SCHIP1: variants seen among roughly 807,000 people sequenced by gnomAD.
SCHIP1 encodes the protein schwannomin interacting protein 1.
In SCHIP1, 8 loss-of-function variants were observed where a neutral mutation model predicts 29.7. That is an observed-to-expected ratio of 0.27 (90% confidence interval 0.16 to 0.49). SCHIP1 has a LOEUF of 0.49. Among genes scored for constraint, SCHIP1 ranks in the 20% least tolerant of loss-of-function variants. The pLI, the probability that SCHIP1 is intolerant of heterozygous loss-of-function variation, is 0.99. For synonymous variants in SCHIP1, 76 were observed against 94.9 expected (o/e 0.80, Z 1.16); for missense variants, 193 against 294.6 (o/e 0.66, Z 2.52).
At chr3:159,849,594 T>C (rs1374662379) in intron 1 of SCHIP1, among the ~76,000 whole-genome samples, 1 of 152,154 alleles carries the variant, frequency 6.6e-6, no homozygotes, top group East Asian at 1.9e-4. Flanking sequence ...GAGCCATTTG[T>C]ATGGTCTTTA....
intron 4 of SCHIP1, chr3:159,888,108 A>C (rs1014828243): frequency 1.4e-6 from 1 of 713,730 alleles, no homozygotes; most frequent in Non-Finnish European, 2.2e-6. Flanking sequence ...GATTTCACAA[A>C]AGTAAAGTTT....
chr3:159,811,528 T>G, the SCHIP1 span, among the ~76,000 whole-genome samples: 1 of 152,244 alleles, frequency 6.6e-6, no homozygotes, highest in African/African-American at 2.4e-5. Context: ...CAGCACCATC[T>G]GTTGAAAAGA....
chr3:159,355,680 C>T, the SCHIP1 span, among the ~76,000 whole-genome samples: 2 of 151,844 alleles, frequency 1.3e-5, no homozygotes. Flanking sequence ...CCTCTCTTTA[C>T]CCCTTCACCC....
the SCHIP1 span, among the ~76,000 whole-genome samples, chr3:159,378,384 T>C: frequency 6.6e-6 from 1 of 152,220 alleles, no homozygotes; most frequent in South Asian, 2.1e-4. Context: ...TTTTTAAAGG[T>C]CTTTTCTAAG....
the SCHIP1 span, among the ~76,000 whole-genome samples, chr3:159,511,664 G>T: frequency 6.6e-6 from 1 of 152,178 alleles, no homozygotes; most frequent in African/African-American, 2.4e-5. Context: ...AGGATAGACA[G>T]ATCAACTGAA....
chr3:159,424,279 T>C, the SCHIP1 span, among the ~76,000 whole-genome samples: 8 of 151,958 alleles, frequency 5.3e-5, no homozygotes, highest in South Asian at 2.1e-4. Flanking sequence ...GGCAAAGAAG[T>C]TAAAAACTTT....
the SCHIP1 span, among the ~76,000 whole-genome samples, chr3:159,788,567 T>C: frequency 2.0e-5 from 3 of 152,178 alleles, no homozygotes; most frequent in Admixed American, 1.3e-4. Flanking sequence ...GTGGAGGTAT[T>C]TTCAGGTTTG....
the SCHIP1 span, among the ~76,000 whole-genome samples, chr3:159,412,508 A>C: frequency 3.9e-5 from 6 of 152,178 alleles, no homozygotes; most frequent in African/African-American, 9.6e-5. Flanking sequence ...TTGGGTGTAC[A>C]AGTTAGATTG....
chr3:159,559,258 G>GT, the SCHIP1 span, among the ~76,000 whole-genome samples: 2 of 152,114 alleles, frequency 1.3e-5, no homozygotes, highest in African/African-American at 4.8e-5. Flanking sequence ...CAAAGCCCAG[G>GT]TCTTAGCTCA....
the SCHIP1 span, among the ~76,000 whole-genome samples, chr3:159,426,189 G>A: frequency 3.3e-3 from 501 of 152,074 alleles, no homozygotes; most frequent in African/African-American, 0.011. Context: ...AAATAACTAA[G>A]ATCAGAGCAG....
At chr3:159,523,632 C>T in the SCHIP1 span, among the ~76,000 whole-genome samples, 6 of 152,200 alleles carry the variant, frequency 3.9e-5, no homozygotes, top group South Asian at 2.1e-4. Flanking sequence ...TGTGATTACT[C>T]GTTCATGCAT....
chr3:159,502,070 TG>T, the SCHIP1 span, among the ~76,000 whole-genome samples: 1 of 152,200 alleles, frequency 6.6e-6, no homozygotes, highest in Non-Finnish European at 1.5e-5. Context: ...AATTTCAGTT[TG>T]TAGAAAGTCA....
At chr3:159,836,357 A>G (rs1162885416), upstream of SCHIP1, among the ~76,000 whole-genome samples, 1 of 152,196 alleles carries the variant, frequency 6.6e-6, no homozygotes, top group African/African-American at 2.4e-5. Context: ...CTCTTTTAAA[A>G]AGGGCATGGA....
chr3:159,601,001 T>C, the SCHIP1 span, among the ~76,000 whole-genome samples: 1 of 152,214 alleles, frequency 6.6e-6, no homozygotes, highest in South Asian at 2.1e-4. Flanking sequence ...GAAGTTGTGC[T>C]GAAGCCTGGA....
chr3:159,852,206 C>A (rs1712739868), intron 1 of SCHIP1, among the ~76,000 whole-genome samples: 2 of 152,164 alleles, frequency 1.3e-5, no homozygotes, highest in Non-Finnish European at 2.9e-5. Flanking sequence ...GAACTCTGTT[C>A]TTAACAGTAT....
intron 1 of SCHIP1, chr3:159,845,594 C>T (rs189249085): frequency 6.6e-6 from 1 of 152,290 alleles, no homozygotes; most frequent in Non-Finnish European, 1.5e-5. Flanking sequence ...GTTGGCCAGA[C>T]TGGTCTCAAA....
the SCHIP1 span, among the ~76,000 whole-genome samples, chr3:159,296,775 A>G: frequency 6.6e-6 from 1 of 151,742 alleles, no homozygotes; most frequent in Non-Finnish European, 1.5e-5. Context: ...CTCTGTCTCA[A>G]AAAGAAAAAA....
At chr3:159,750,282 TATATATATATATATACACAC>T in the SCHIP1 span, among the ~76,000 whole-genome samples, 1 of 30,698 alleles carries the variant, frequency 3.3e-5, no homozygotes, top group African/African-American at 6.9e-5. Flanking sequence ...TATATATATA[TATATATATATATATACACAC>T]ACACACACAC....
chr3:159,477,358 A>G, the SCHIP1 span, among the ~76,000 whole-genome samples: 2 of 152,142 alleles, frequency 1.3e-5, no homozygotes, highest in African/African-American at 4.8e-5. Flanking sequence ...AGGAACCCCC[A>G]TATCATTTTC....
Sources: gnomAD v4.1 joint callset for allele counts (sites outside exome capture counted in the v4.1 genomes callset) on GRCh38, gnomAD v4.1.1 for gene constraint, MANE v1.5 for transcripts, NCBI Gene and HGNC (gene_info 2026-07-23, HGNC 2026-07-21) for gene names.